SMU1: variants seen among roughly 807,000 people sequenced by gnomAD.
SMU1 encodes the protein SMU1 DNA replication regulator and spliceosomal factor.
In SMU1, 2 loss-of-function variants were observed where a neutral mutation model predicts 62.0. The ratio of observed to expected loss-of-function variants is 0.03; its 90% CI spans 0.01 to 0.10. The LOEUF (loss-of-function observed/expected upper bound fraction) is 0.10. Among genes scored for constraint, SMU1 ranks in the 10% least tolerant of loss-of-function variants. SMU1 has a pLI of 1.00. For synonymous variants in SMU1, 188 were observed against 212.4 expected (o/e 0.89, Z 1.00); for missense variants, 227 against 622.1 (o/e 0.36, Z 6.76).
In SMU1 at chr9:33,071,911, AC is replaced by A; in HGVS notation, c.238-20del. 6.7e-7 allele frequency: 1 copy of A among 1,501,218 alleles called. No individual in the cohort carries two copies. The allele number at this position is 1,501,218 out of a possible 1,614,324, so 93.0% of individuals were successfully genotyped here. A position where few individuals can be genotyped will look rare whatever the true frequency, so the allele number is the denominator to read the frequency against. ...GAACAACCTGGACAATTAAAAAAAAACAAAAAAAACCCCAGATGTTTCAACA... is the reference window on the plus strand; with the variant it reads ...GAACAACCTGGACAATTAAAAAAAAAAAAAAAAACCCCAGATGTTTCAACA... On this transcript the variant is annotated intron_variant, in intron 2 of 11. Coordinates refer to ENST00000397149, the MANE Select transcript of SMU1 (RefSeq NM_018225.3).
At position 33,045,078 on chromosome 9, in the gene SMU1, G is replaced by T. The variant is rs995084996; in HGVS notation, c.*2215C>A. The T allele has an allele frequency of 1.3e-5, 2 of 152,154 alleles. No homozygotes were observed. The highest frequency in any genetic ancestry group is 2.4e-5 in the African/African-American group (1 of 41,408). The allele number at this position is 152,154 out of a possible 1,614,324, so 9.4% of individuals were successfully genotyped here. A position where few individuals can be genotyped will look rare whatever the true frequency, so the allele number is the denominator to read the frequency against. ...TATTCATCACCTGGTGCCAGCAACA[G>T]AAGTGTTCCCTAAAAATTCCTAGAA... On this transcript the variant is annotated 3_prime_UTR_variant, in exon 12 of 12. Transcript: ENST00000397149.
At position 33,071,820 on chromosome 9, in the gene SMU1, T is replaced by A; in HGVS notation, c.310A>T (p.Ile104Phe). 2 of 1,607,876 alleles carry A rather than the reference T, an allele frequency of 1.2e-6. No individual in the cohort carries two copies. Among genetic ancestry groups the A allele is most frequent in the Non-Finnish European group, 1.7e-6 (2 of 1,178,370 alleles). ...RSLLRQTDPM[I>F]MLKQTQPERY... ...TCTGGCTGTGTTTGTTTTAACATGA[T>A]CATGGGATCAGTCTGTCTCAAAAGT... The change falls in exon 3 of 12, where the codon ATC becomes TTC. Residue 104 changes from isoleucine (I) to phenylalanine (F), a missense_variant. Ile to Phe is a conservative substitution (Grantham distance 21). Coordinates refer to ENST00000397149, the MANE Select transcript of SMU1 (RefSeq NM_018225.3).
intron 10 of SMU1, among the ~76,000 whole-genome samples, chr9:33,050,502 GATAA>G (rs1013720920): frequency 4.1e-5 from 6 of 145,102 alleles, no homozygotes; most frequent in Admixed American, 2.1e-4. Context: ...TAGATGACTG[GATAA>G]ATAAATGTTA....
chr9:33,069,213 T>C (rs967536966), intron 3 of SMU1, among the ~76,000 whole-genome samples: 11 of 152,158 alleles, frequency 7.2e-5, no homozygotes, highest in Admixed American at 5.9e-4. Context: ...CACACTGCTA[T>C]TTTTCTGAAA....
Position 33,042,461 on chromosome 9 carries a change from G to A in SMU1, c.*4832C>T, listed in dbSNP as rs1417440460. 3 of 152,490 alleles carry A rather than the reference G, an allele frequency of 2.0e-5. No homozygotes were observed. Among genetic ancestry groups the A allele is most frequent in the Non-Finnish European group, 4.4e-5 (3 of 68,056 alleles). The allele number at this position is 152,490 out of a possible 1,614,324, so 9.4% of individuals were successfully genotyped here. A position where few individuals can be genotyped will look rare whatever the true frequency, so the allele number is the denominator to read the frequency against. On this transcript the variant is annotated 3_prime_UTR_variant, in exon 12 of 12. Transcript: ENST00000397149. The stretch of plus-strand genomic sequence containing the variant: ...CTGCTTTCTCTGTGATGCTTCTCCT[G>A]CCCATTCATACTTGTAGGGAATAGG...
At chr9:33,068,431 T>C (rs1376589962) in intron 4 of SMU1, among the ~76,000 whole-genome samples, 1 of 152,172 alleles carries the variant, frequency 6.6e-6, no homozygotes, top group Non-Finnish European at 1.5e-5. Context: ...CCCCAATTCT[T>C]AGGGTGTACA....
intron 5 of SMU1, among the ~76,000 whole-genome samples, chr9:33,061,260 T>G (rs773134211): frequency 6.6e-6 from 1 of 152,196 alleles, no homozygotes; most frequent in Non-Finnish European, 1.5e-5. Flanking sequence ...AAGGAAAGTG[T>G]TTATAACAGA....
chr9:33,073,690 A>G lies in SMU1; in HGVS notation c.143T>C (p.Val48Ala). ...LNTVDSIESF[V>A]ADINSGHWDT... ...CCAATGGCCACTGTTAATGTCAGCC[A>G]CAAAACTCTCAATGCTGTCCACAGT... Residue 48 changes from valine (V) to alanine (A), a missense_variant, in exon 2 of 12, where the codon GTG (valine) becomes GCG (alanine). By Grantham distance (64) the Val-to-Ala change is moderately conservative. Coordinates refer to ENST00000397149, the MANE Select transcript of SMU1 (RefSeq NM_018225.3). 1.2e-6 allele frequency: 2 copies of G among 1,614,024 alleles called. No homozygotes were observed. The highest frequency in any genetic ancestry group is 1.7e-6 in the Non-Finnish European group (2 of 1,179,950).
In SMU1 at chr9:33,048,214, A is replaced by G. The variant is rs1162422384; in HGVS notation, c.1335T>C (p.Phe445=). Reference sequence around the variant, plus strand: ...CACGGGGAGAGAGGGCACAGCAAACAAAGTCCCCACCTTCTCTTTTACCAG... The same window carrying G: ...CACGGGGAGAGAGGGCACAGCAAACGAAGTCCCCACCTTCTCTTTTACCAG... ...FSSGKREGGD[F]VCCALSPRGE... The change falls in exon 11 of 12, where the codon TTT becomes TTC. Residue 445 remains phenylalanine (F), a synonymous_variant. Coordinates refer to ENST00000397149, the MANE Select transcript of SMU1 (RefSeq NM_018225.3). 4 of 1,614,128 alleles carry G rather than the reference A, an allele frequency of 2.5e-6. No homozygotes were observed. The highest frequency in any genetic ancestry group is 2.2e-5 in the East Asian group (1 of 44,894).
Position 33,048,127 on chromosome 9 carries a change from G to C in SMU1, c.1422C>G (p.Gly474=), listed in dbSNP as rs767155687. Residue 474 remains glycine, a synonymous_variant, in exon 11 of 12, where the codon GGC becomes GGG. Coordinates refer to ENST00000397149, the MANE Select transcript of SMU1 (RefSeq NM_018225.3). ...TCACTGTCAAAGTTCTCTCCAGTTT[G>C]CCAGTGACTGTACTGAAACAGTAGA... ...FVLYCFSTVT[G]KLERTLTVHE... The C allele has an allele frequency of 1.2e-6, 2 of 1,613,754 alleles. No individual in the cohort carries two copies. The highest frequency in any genetic ancestry group is 2.7e-5 in the African/African-American group (2 of 74,870).
intron 2 of SMU1, 123 bp from the exon 3 acceptor site, chr9:33,072,015 GC>G: frequency 1.0e-6 from 1 of 992,408 alleles, no homozygotes; most frequent in Non-Finnish European, 1.4e-6. Context: ...ACCAGGAAGT[GC>G]CCCTTTCCAT....
intron 3 of SMU1, among the ~76,000 whole-genome samples, 156 bp downstream of exon 3, chr9:33,071,584 T>C (rs998247966): frequency 6.6e-6 from 1 of 151,052 alleles, no homozygotes; most frequent in African/African-American, 2.4e-5. Context: ...CATACGCAAA[T>C]TTCAGCCAAC....
chr9:33,064,906 C>G (rs1289012954), intron 4 of SMU1, among the ~76,000 whole-genome samples: 1 of 152,084 alleles, frequency 6.6e-6, no homozygotes, highest in Non-Finnish European at 1.5e-5. Context: ...TGATGGCCAG[C>G]TAATTTTTCT....
At chr9:33,068,674 T>G in intron 4 of SMU1, 150 bp downstream of exon 4, 6 of 884,658 alleles carry the variant, frequency 6.8e-6, no homozygotes, top group Non-Finnish European at 9.8e-6. Flanking sequence ...CCCGCTAATT[T>G]TTTTACTTTT....
At position 33,049,511 on chromosome 9, in the gene SMU1, A is replaced by C. The variant is rs1403297509; in HGVS notation, c.1291-1253T>G. 2.6e-5 allele frequency among the ~76,000 whole-genome samples: 4 copies of C among 152,250 alleles called. No homozygotes were observed. The East Asian group carries it at 7.7e-4, about 29-fold the overall frequency. On this transcript the variant is annotated intron_variant, in intron 10 of 11. Transcript: ENST00000397149. ...TTTAAAACTCTTAGAGGATAACAAA[A>C]AAGAAAATCTAGATGATCTTGAGTT...
intron 10 of SMU1, among the ~76,000 whole-genome samples, chr9:33,050,772 G>C (rs529777946): frequency 6.6e-6 from 1 of 151,392 alleles, no homozygotes; most frequent in East Asian, 2.0e-4. Context: ...GTTGCAGTGA[G>C]CTGAGATTGC....
intron 3 of SMU1, among the ~76,000 whole-genome samples, chr9:33,069,992 G>A (rs891016435): frequency 1.3e-5 from 2 of 152,020 alleles, no homozygotes; most frequent in South Asian, 2.1e-4. Flanking sequence ...TGAGTGTGGT[G>A]GCACACACCA....
At chr9:33,076,493 C>T in intron 1 of SMU1, 90 bp downstream of exon 1, 1 of 1,527,548 alleles carries the variant, frequency 6.5e-7, no homozygotes, top group South Asian at 1.1e-5. Context: ...TCCCTGGCCT[C>T]TCGGATGCCT....
At chr9:33,057,804 T>C (rs367831470) in intron 6 of SMU1, 90 bp from the exon 7 acceptor site, 1 of 1,551,298 alleles carries the variant, frequency 6.4e-7, no homozygotes. Flanking sequence ...GGCAATGGAT[T>C]GTACCTACTC....
Sources: gnomAD v4.1 joint callset for allele counts (sites outside exome capture counted in the v4.1 genomes callset) on GRCh38, gnomAD v4.1.1 for gene constraint, MANE v1.5 for transcripts, NCBI Gene and HGNC (gene_info 2026-07-23, HGNC 2026-07-21) for gene names.